The following ZNF626 variants were observed in gnomAD, a reference collection of about 807,000 sequenced individuals.
ZNF626 encodes the protein zinc finger protein 626, also known as CTC-513N18.7.
Under a neutral mutation model 11.7 loss-of-function variants are expected in ZNF626, and 4 were observed. That is an observed-to-expected ratio of 0.34 (90% CI 0.17 to 0.78). The LOEUF (loss-of-function observed/expected upper bound fraction) is 0.78, where lower values mean the gene tolerates loss of function less well. Among genes scored for constraint, ZNF626 ranks in the 30% least tolerant of loss-of-function variants. ZNF626 has a pLI of 0.57. For synonymous variants in ZNF626, 179 were observed against 198.6 expected, an observed-to-expected ratio of 0.90 and a Z score of 0.83; for missense variants, 588 against 587.1, an observed-to-expected ratio of 1.00 and a Z score of -0.01.
rs547600155 is a variant in ZNF626, at chr19:20,661,545, C to G, written c.-99G>C. ...CTGGGCCTTTAGGAGAAGAACCAGA[C>G]CTGGAGCTCTGACTGCAGCGAGAGA... is the stretch of plus-strand genomic sequence containing the variant. On this transcript the variant is annotated 5_prime_UTR_variant, in exon 1 of 4. Coordinates refer to ENST00000601440, the MANE Select transcript of ZNF626 (RefSeq NM_001076675.3). 10 of 1,372,584 alleles carry G rather than the reference C, an allele frequency of 7.3e-6. No individual in the cohort carries two copies. The South Asian group carries it at 1.3e-4, about 17-fold the overall frequency. The allele number at this position is 1,372,584 out of a possible 1,614,324, so 85.0% of individuals were successfully genotyped here. A position where few individuals can be genotyped will look rare whatever the true frequency, so the allele number is the denominator to read the frequency against.
intron 3 of ZNF626, among the ~76,000 whole-genome samples, chr19:20,638,236 A>AAC (rs1969986601): frequency 6.6e-6 from 1 of 152,136 alleles, no homozygotes; most frequent in Admixed American, 6.5e-5. Context: ...CAGCCTGGCC[A>AAC]ACACGGTGAA....
At position 20,649,090 on chromosome 19, in the gene ZNF626, CAT is replaced by C. The variant is rs376301152; in HGVS notation, c.4-2687_4-2686del. On this transcript the variant is annotated intron_variant, in intron 1 of 3. Coordinates refer to ENST00000601440, the MANE Select transcript of ZNF626 (RefSeq NM_001076675.3). ...AGTCGACATAGCTCTTCATCTGACA[CAT>C]GTTTACCTGAAGAAAAGCCACTTTT... is the stretch of plus-strand genomic sequence containing the variant. Among the ~76,000 whole-genome samples the C allele has an allele frequency of 4.7e-3, 721 of 152,298 alleles. 2 individuals are homozygous for C. Among genetic ancestry groups the C allele is most frequent in the Admixed American group, 7.2e-3 (110 of 15,288 alleles).
chr19:20,637,665 C>T (rs527731467), intron 3 of ZNF626, among the ~76,000 whole-genome samples: 99 of 150,868 alleles, frequency 6.6e-4, no homozygotes, highest in African/African-American at 2.3e-3. Context: ...AAGATGATTA[C>T]AAAGATAATA....
At position 20,622,216 on chromosome 19, in the gene ZNF626, AAATAT is replaced by A. The variant is rs1427724267; in HGVS notation, c.*2069_*2073del. The stretch of plus-strand genomic sequence containing the variant: ...AAAAGAAAAGTTAAGTAAGTAAATA[AAATAT>A]AAGTTAAGTTCACACATCATCTAAC... On this transcript the variant is annotated 3_prime_UTR_variant, in exon 4 of 4. Transcript: ENST00000601440. 6.6e-6 allele frequency: 1 copy of A among 152,214 alleles called. No individual in the cohort carries two copies. The highest frequency in any genetic ancestry group is 1.9e-4 in the East Asian group (1 of 5,202). 9.4% of individuals were successfully genotyped at this position (152,214 alleles called of 1,614,324 possible). A position where few individuals can be genotyped will look rare whatever the true frequency, so the allele number is the denominator to read the frequency against.
intron 3 of ZNF626, among the ~76,000 whole-genome samples, chr19:20,633,934 TC>T (rs1208566798): frequency 5.3e-5 from 8 of 152,148 alleles, no homozygotes; most frequent in African/African-American, 1.7e-4. Flanking sequence ...TCTTGGCTCC[TC>T]CCCCCTCATG....
At chr19:20,645,144 G>A in intron 3 of ZNF626, 1 of 792,728 alleles carries the variant, frequency 1.3e-6, no homozygotes, top group African/African-American at 1.8e-5. Context: ...AATAGCCAAA[G>A]CAATCATGAG....
At chr19:20,658,393 T>A (rs1350216351) in intron 1 of ZNF626, among the ~76,000 whole-genome samples, 2 of 152,182 alleles carry the variant, frequency 1.3e-5, no homozygotes, top group Non-Finnish European at 2.9e-5. Context: ...GTGAAGTTCC[T>A]GAGGGTGGTG....
chr19:20,641,277 A>G (rs1275363491), intron 3 of ZNF626, among the ~76,000 whole-genome samples: 7 of 152,204 alleles, frequency 4.6e-5, no homozygotes, highest in African/African-American at 1.7e-4. Flanking sequence ...AATATAACAT[A>G]TACATAAAAT....
chr19:20,634,392 AC>A (rs797036962), intron 3 of ZNF626, among the ~76,000 whole-genome samples: 18 of 152,334 alleles, frequency 1.2e-4, no homozygotes, highest in African/African-American at 3.8e-4. Flanking sequence ...TTCTTTATAG[AC>A]CACCTGTTAG....
intron 3 of ZNF626, among the ~76,000 whole-genome samples, chr19:20,627,376 T>C (rs1229324014): frequency 2.0e-5 from 3 of 152,096 alleles, no homozygotes; most frequent in South Asian, 2.1e-4. Context: ...CATTCAAATA[T>C]ATTGTTGGAT....
At position 20,625,073 on chromosome 19, in the gene ZNF626, T is replaced by A. The variant is rs782266824; in HGVS notation, c.804A>T (p.Ser268=). The A allele has an allele frequency of 3.1e-6, 5 of 1,612,568 alleles. No individual in the cohort carries two copies. Among genetic ancestry groups the A allele is most frequent in the Non-Finnish European group, 4.2e-6 (5 of 1,179,676 alleles). ...KCDKCGKAFM[S]SSTLSKHEII... is the part of the protein sequence containing the mutation. ...TCTCATGTTTACTAAGGGTTGAGGA[T>A]GACATAAAGGCTTTGCCACATTTAT... Residue 268 remains serine (S), a synonymous_variant, in exon 4 of 4, where the codon TCA becomes TCT. Coordinates refer to ENST00000601440, the MANE Select transcript of ZNF626 (RefSeq NM_001076675.3).
At chr19:20,650,815 A>G (rs1218664661) in intron 1 of ZNF626, among the ~76,000 whole-genome samples, 3 of 152,212 alleles carry the variant, frequency 2.0e-5, no homozygotes, top group African/African-American at 7.2e-5. Context: ...ATATGCTAAT[A>G]TGCAATTTAA....
intron 3 of ZNF626, among the ~76,000 whole-genome samples, chr19:20,639,386 A>T (rs374366308): frequency 2.6e-5 from 4 of 151,826 alleles, no homozygotes; most frequent in African/African-American, 9.7e-5. Flanking sequence ...AGATAATACA[A>T]AATATTCTTA....
Position 20,624,287 on chromosome 19 carries a change from G to C in ZNF626, c.*3C>G. Reference sequence around the variant, plus strand: ...CATTTGTAGAATTTCTCTCCAGTATGAATTATCTTATGTGTAGTAAGGTGT... The same window carrying C: ...CATTTGTAGAATTTCTCTCCAGTATCAATTATCTTATGTGTAGTAAGGTGT... On this transcript the variant is annotated 3_prime_UTR_variant, in exon 4 of 4. Transcript: ENST00000601440. 6.2e-7 allele frequency: 1 copy of C among 1,613,844 alleles called. No homozygotes were observed. Among genetic ancestry groups the C allele is most frequent in the Non-Finnish European group, 8.5e-7 (1 of 1,179,944 alleles).
intron 1 of ZNF626, among the ~76,000 whole-genome samples, chr19:20,649,069 G>A (rs1970117432): frequency 6.6e-6 from 1 of 152,118 alleles, no homozygotes; most frequent in Non-Finnish European, 1.5e-5. Flanking sequence ...AGGCAGAGTC[G>A]ACATAGCTCT....
chr19:20,632,372 C>T (rs191296347), intron 3 of ZNF626, among the ~76,000 whole-genome samples: 3 of 152,308 alleles, frequency 2.0e-5, no homozygotes, highest in Admixed American at 2.0e-4. Context: ...GGATAATATC[C>T]TGCAGAATGC....
intron 3 of ZNF626, chr19:20,645,150 A>G: frequency 1.2e-6 from 1 of 848,790 alleles, no homozygotes. Context: ...CAAAGCAATC[A>G]TGAGGAAAAT....
intron 3 of ZNF626, 81 bp from the exon 4 acceptor site, chr19:20,625,731 T>G: frequency 7.4e-7 from 1 of 1,351,608 alleles, no homozygotes; most frequent in Non-Finnish European, 9.8e-7. Flanking sequence ...TTGTATAGTT[T>G]TATACAAACT....
chr19:20,630,867 G>A (rs1273762682), intron 3 of ZNF626, among the ~76,000 whole-genome samples: 1 of 151,022 alleles, frequency 6.6e-6, no homozygotes, highest in Non-Finnish European at 1.5e-5. Context: ...TGTGGTGTTA[G>A]GGTGTCAATT....
Sources: gnomAD v4.1 joint callset for allele counts (sites outside exome capture counted in the v4.1 genomes callset) on GRCh38, gnomAD v4.1.1 for gene constraint, MANE v1.5 for transcripts, NCBI Gene and HGNC (gene_info 2026-07-23, HGNC 2026-07-21) for gene names.